Variants in HEXB observed in about 807,000 individuals in gnomAD.
The protein encoded by HEXB is beta-hexosaminidase subunit beta.
A neutral mutation model predicts 71.2 loss-of-function variants in HEXB; 51 were observed. The observed-to-expected ratio is 0.72, with a 90% CI of 0.57 to 0.90. HEXB has a LOEUF of 0.90. HEXB is among the 40% of genes least tolerant of loss of function. HEXB has a pLI of 0.00. For synonymous variants in HEXB, 266 were observed against 249.3 expected (o/e 1.07, Z -0.63); for missense variants, 617 against 677.0 (o/e 0.91, Z 0.98).
intron 7 of HEXB, 51 bp from the exon 8 acceptor site, chr5:74,715,458 TC>T (rs1749646497): frequency 1.6e-6 from 2 of 1,238,346 alleles, no homozygotes; most frequent in African/African-American, 3.1e-5. Context: ...GAAAACCAGA[TC>T]TTTATAATGA....
intron 6 of HEXB, among the ~76,000 whole-genome samples, chr5:74,707,926 G>C (rs1355574208): frequency 6.6e-6 from 1 of 152,130 alleles, no homozygotes; most frequent in Admixed American, 6.5e-5. Context: ...TTCAGATGCA[G>C]GAAATACAGA....
intron 13 of HEXB, 156 bp downstream of exon 13, chr5:74,720,903 C>A: frequency 1.3e-6 from 1 of 786,568 alleles, no homozygotes; most frequent in Non-Finnish European, 2.2e-6. Context: ...AAGATATATT[C>A]AGACTTGTGA....
chr5:74,691,757 T>C (rs147455073), intron 2 of HEXB, among the ~76,000 whole-genome samples: 39 of 152,358 alleles, frequency 2.6e-4, no homozygotes, highest in African/African-American at 8.9e-4. Flanking sequence ...GCCTTATCTA[T>C]ATTATATTGC....
intron 1 of HEXB, among the ~76,000 whole-genome samples, chr5:74,657,858 G>C (rs1748250005): frequency 6.6e-6 from 1 of 152,102 alleles, no homozygotes; most frequent in South Asian, 2.1e-4. Context: ...CCCTTTTGTT[G>C]TATATAACAG....
chr5:74,645,905 G>A (rs967946069), intron 1 of HEXB, among the ~76,000 whole-genome samples: 1 of 152,148 alleles, frequency 6.6e-6, no homozygotes, highest in Non-Finnish European at 1.5e-5. Context: ...TGGAGATAAT[G>A]ACACTCATTA....
Position 74,720,959 on chromosome 5 carries a change from C to A in HEXB, c.1614-159C>A, listed in dbSNP as rs925252278. On this transcript the variant is annotated intron_variant, in intron 13 of 13. Transcript: ENST00000261416. ...ATGTTGGTGTAACTTAGAACTCCATCTTGAGTTGCTTTAATTTTCTTCCCT... is the reference window on the plus strand; with the variant it reads ...ATGTTGGTGTAACTTAGAACTCCATATTGAGTTGCTTTAATTTTCTTCCCT... 5 of 788,254 alleles carry A rather than the reference C, an allele frequency of 6.3e-6. No individual in the cohort carries two copies. In the African/African-American group the frequency reaches 8.7e-5, roughly 14 times the overall value. 48.8% of individuals were successfully genotyped at this position (788,254 alleles called of 1,614,324 possible).
intron 3 of HEXB, among the ~76,000 whole-genome samples, chr5:74,696,172 T>C (rs1186436945): frequency 6.6e-6 from 1 of 152,170 alleles, no homozygotes; most frequent in African/African-American, 2.4e-5. Flanking sequence ...TGTCAACTAG[T>C]ATATTAAGGG....
chr5:74,670,975 A>G (rs1401235535), intron 1 of HEXB, among the ~76,000 whole-genome samples: 1 of 152,208 alleles, frequency 6.6e-6, no homozygotes, highest in Non-Finnish European at 1.5e-5. Flanking sequence ...CCAAGTGGAC[A>G]GAGCATCTCT....
intron 1 of HEXB, among the ~76,000 whole-genome samples, chr5:74,672,291 C>A (rs896302669): frequency 6.6e-6 from 1 of 152,228 alleles, no homozygotes; most frequent in African/African-American, 2.4e-5. Flanking sequence ...AGCTAACCAG[C>A]ATATCTTCAA....
chr5:74,708,082 A>C (rs1749447959), intron 6 of HEXB, among the ~76,000 whole-genome samples: 2 of 152,108 alleles, frequency 1.3e-5, no homozygotes, highest in Admixed American at 6.5e-5. Context: ...TCAGACTAAC[A>C]GCGGATCTCT....
intron 3 of HEXB, among the ~76,000 whole-genome samples, chr5:74,694,752 G>A (rs138848874): frequency 0.021 from 3,244 of 152,104 alleles, 57 homozygotes; most frequent in Middle Eastern, 0.092. Context: ...ATCACTTGAG[G>A]TCAGGAGTTC....
At chr5:74,642,707 C>T (rs1278771627) in intron 1 of HEXB, among the ~76,000 whole-genome samples, 1 of 151,736 alleles carries the variant, frequency 6.6e-6, no homozygotes, top group Non-Finnish European at 1.5e-5. Flanking sequence ...CAGGAAGCGA[C>T]AGAACTAGGG....
intron 1 of HEXB, among the ~76,000 whole-genome samples, chr5:74,642,162 T>A (rs1482254413): frequency 6.6e-6 from 1 of 152,250 alleles, no homozygotes; most frequent in Non-Finnish European, 1.5e-5. Flanking sequence ...TTCCTGGTAT[T>A]TGCGCCGAGA....
chr5:74,692,352 A>AG (rs1749021476), intron 2 of HEXB, among the ~76,000 whole-genome samples: 1 of 150,776 alleles, frequency 6.6e-6, no homozygotes, highest in Non-Finnish European at 1.5e-5. Context: ...AAAAAAAAAA[A>AG]GAAAGAGAAA....
intron 1 of HEXB, among the ~76,000 whole-genome samples, chr5:74,677,427 C>T (rs1294137479): frequency 6.8e-6 from 1 of 147,886 alleles, no homozygotes; most frequent in Non-Finnish European, 1.5e-5. Context: ...CTCTCAGATT[C>T]TATTGGGGCA....
rs772062231 is a variant in HEXB, at chr5:74,699,299, A to T, written c.669+2193A>T. Reference sequence around the variant, plus strand: ...CCTTTTTTTTCTTTTTGTGAGACAGAGTCTCGCTGTGTTACCCAGGCTGGA... The same window carrying T: ...CCTTTTTTTTCTTTTTGTGAGACAGTGTCTCGCTGTGTTACCCAGGCTGGA... On this transcript the variant is annotated intron_variant, in intron 5 of 13. Transcript: ENST00000261416. Among the ~76,000 whole-genome samples the T allele has an allele frequency of 4.1e-5, 6 of 148,032 alleles. No individual in the cohort carries two copies. In the South Asian group the frequency reaches 1.4e-3, roughly 34 times the overall value.
upstream of HEXB, among the ~76,000 whole-genome samples, chr5:74,682,778 TATGGAAGAATTTTAAAC>T (rs1271150255): frequency 1.3e-5 from 2 of 152,194 alleles, no homozygotes; most frequent in Non-Finnish European, 2.9e-5. Flanking sequence ...AGTTTTCTTT[TATGGAAGAATTTTAAAC>T]ATGCACCATG....
intron 9 of HEXB, among the ~76,000 whole-genome samples, chr5:74,717,080 C>T (rs1054732796): frequency 6.6e-6 from 1 of 152,178 alleles, no homozygotes; most frequent in Admixed American, 6.5e-5. Flanking sequence ...GTCCCAGCTA[C>T]TCGGGCGGCT....
chr5:74,659,033 T>C (rs1748271762), intron 1 of HEXB, among the ~76,000 whole-genome samples: 1 of 152,150 alleles, frequency 6.6e-6, no homozygotes, highest in Non-Finnish European at 1.5e-5. Context: ...ATATGTAGCT[T>C]TCTCCTTGCA....
Sources: gnomAD v4.1 joint callset for allele counts (sites outside exome capture counted in the v4.1 genomes callset) on GRCh38, gnomAD v4.1.1 for gene constraint, MANE v1.5 for transcripts, NCBI Gene and HGNC (gene_info 2026-07-23, HGNC 2026-07-21) for gene names.